Variants in ALDH3A2 observed in about 807,000 individuals in gnomAD.
ALDH3A2 encodes the protein aldehyde dehydrogenase 3 family member A2, also known as aldehyde dehydrogenase family 3 member A2.
In ALDH3A2, 36 loss-of-function variants were observed where a neutral mutation model predicts 51.3. That is an observed-to-expected ratio of 0.70 (90% CI 0.54 to 0.93). The LOEUF is 0.93. Among genes scored for constraint, ALDH3A2 ranks in the 40% least tolerant of loss-of-function variants. ALDH3A2 has a pLI of 0.00. For missense variants in ALDH3A2, 552 were observed against 603.1 expected (o/e 0.92, Z 0.89); for synonymous variants, 199 against 219.8 (o/e 0.91, Z 0.84).
chr17:19,649,330 C>A (rs1284400910), intron 1 of ALDH3A2: 8 of 621,664 alleles, frequency 1.3e-5, no homozygotes, highest in Non-Finnish European at 1.9e-5. Context: ...TACCTAGCTT[C>A]TGTGGTTCCT....
chr17:19,675,374 C>T lies in ALDH3A2; in HGVS notation c.1444-184C>T, dbSNP rs2085173600. Reference sequence around the variant, plus strand: ...GTTGTTTTTTGAGGAAGGGCATAATCCTTTGGCCTAAACCGTGCTTCCTAG... The same window carrying T: ...GTTGTTTTTTGAGGAAGGGCATAATTCTTTGGCCTAAACCGTGCTTCCTAG... On this transcript the variant is annotated intron_variant, in intron 9 of 9. Coordinates refer to ENST00000176643, the MANE Select transcript of ALDH3A2 (RefSeq NM_000382.3). 1.4e-5 allele frequency: 9 copies of T among 662,160 alleles called. No individual in the cohort carries two copies. In the South Asian group the frequency reaches 1.7e-4, roughly 12 times the overall value. The allele number at this position is 662,160 out of a possible 1,614,324, so 41.0% of individuals were successfully genotyped here. A position where few individuals can be genotyped will look rare whatever the true frequency, so the allele number is the denominator to read the frequency against.
rs760752013 is a variant in ALDH3A2 at position 19,651,595 on chromosome 17, A to G, written c.202A>G (p.Ile68Val). The change falls in exon 2 of 10, where the codon ATT (isoleucine) becomes GTT (valine). Residue 68 changes from isoleucine (I) to valine (V), a missense_variant. Physicochemically the swap from Ile to Val is conservative, Grantham distance 29. Coordinates refer to ENST00000176643, the MANE Select transcript of ALDH3A2 (RefSeq NM_000382.3). ...SQEVITVLGE[I>V]DFMLENLPEW... ...GGAAGTCATTACTGTCCTTGGGGAA[A>G]TTGATTTTATGCTTGAGAATCTTCC... 4.3e-6 allele frequency: 7 copies of G among 1,614,226 alleles called. No homozygotes were observed. The South Asian group carries it at 5.5e-5, about 13-fold the overall frequency.
intron 8 of ALDH3A2, among the ~76,000 whole-genome samples, chr17:19,666,113 T>A (rs1397664877): frequency 2.0e-5 from 3 of 151,726 alleles, no homozygotes; most frequent in Non-Finnish European, 4.4e-5. Flanking sequence ...TGGTGGTGGC[T>A]TGTAGAGGGT....
At chr17:19,670,219 A>G (rs1395043744) in intron 8 of ALDH3A2, among the ~76,000 whole-genome samples, 1 of 152,198 alleles carries the variant, frequency 6.6e-6, no homozygotes, top group Non-Finnish European at 1.5e-5. Context: ...ATCCCCTAGG[A>G]TTTTTATTAA....
intron 8 of ALDH3A2, among the ~76,000 whole-genome samples, chr17:19,666,153 G>T (rs140336089): frequency 6.6e-6 from 1 of 152,060 alleles, no homozygotes; most frequent in African/African-American, 2.4e-5. Flanking sequence ...GAAAGGGAAG[G>T]GGGTATTTTT....
chr17:19,654,840 A>G lies in ALDH3A2; in HGVS notation c.472-1526A>G, dbSNP rs1470043247. ...CAAGGCCAAGGAGGTGCTGAGAGCG[A>G]GCAAGGGTTGCCCGCACGCTCTCAC... On this transcript the variant is annotated intron_variant, in intron 3 of 9. Transcript: ENST00000176643. The surrounding 1 kb of genome is among the most constrained non-coding windows in gnomAD (Gnocchi z 4.5). Among the ~76,000 whole-genome samples the G allele has an allele frequency of 6.6e-6, 1 of 152,156 alleles. No homozygotes were observed. Among genetic ancestry groups the G allele is most frequent in the Non-Finnish European group, 1.5e-5 (1 of 68,014 alleles).
At position 19,668,833 on chromosome 17, in the gene ALDH3A2, G is replaced by A. The variant is rs139514139; in HGVS notation, c.1208-2888G>A. Among the ~76,000 whole-genome samples, 386 of 132,844 alleles carry A rather than the reference G, an allele frequency of 2.9e-3. 117 individuals are homozygous for A. In the East Asian group the frequency reaches 0.091, roughly 31 times the overall value. The allele number at this position is 132,844 out of a possible 152,430, so 87.2% of individuals were successfully genotyped here. A position where few individuals can be genotyped will look rare whatever the true frequency, so the allele number is the denominator to read the frequency against. On this transcript the variant is annotated intron_variant, in intron 8 of 9. Transcript: ENST00000176643. ...TTGAACCCTGGAGGCGGAGGTTGCA[G>A]TGAGCAGAGAGTGCACCACTGTACC...
At chr17:19,652,462 A>T (rs1276057824) in intron 2 of ALDH3A2, 85 bp from the exon 3 acceptor site, 3 of 979,164 alleles carry the variant, frequency 3.1e-6, no homozygotes, top group Admixed American at 1.7e-5. Context: ...GGGAGTACCT[A>T]GCCTGTTCTT....
chr17:19,675,939 C>A lies in ALDH3A2; in HGVS notation c.*367C>A. On this transcript the variant is annotated 3_prime_UTR_variant, in exon 10 of 10. Transcript: ENST00000176643. ...CACTGCTCACTTCCTGCCTCTGCTGCCACCATCACTGTGTGAAGCTTTCAA... is the reference window on the plus strand; with the variant it reads ...CACTGCTCACTTCCTGCCTCTGCTGACACCATCACTGTGTGAAGCTTTCAA... 6.1e-6 allele frequency: 2 copies of A among 326,480 alleles called. No individual in the cohort carries two copies. The highest frequency in any genetic ancestry group is 2.9e-5 in the South Asian group (1 of 34,076). The allele number at this position is 326,480 out of a possible 1,614,324, so 20.2% of individuals were successfully genotyped here. A position where few individuals can be genotyped will look rare whatever the true frequency, so the allele number is the denominator to read the frequency against.
intron 6 of ALDH3A2, 65 bp from the exon 7 acceptor site, chr17:19,663,268 A>C: frequency 2.6e-6 from 4 of 1,559,596 alleles, no homozygotes; most frequent in Non-Finnish European, 3.5e-6. Context: ...AATGAAAGAG[A>C]TGTAATATGA....
At chr17:19,674,342 TC>T (rs1208202684) in intron 9 of ALDH3A2, 48 of 152,312 alleles carry the variant, frequency 3.2e-4, no homozygotes, top group Admixed American at 8.5e-4. Context: ...GTCTGCATTC[TC>T]CAATCTTACC....
intron 9 of ALDH3A2, chr17:19,673,348 T>A: frequency 7.3e-7 from 1 of 1,361,208 alleles, no homozygotes; most frequent in Non-Finnish European, 9.7e-7. Flanking sequence ...GTTTTTTGGT[T>A]TGTTTTTGTT....
At chr17:19,652,656 C>A (rs1323745853) in intron 3 of ALDH3A2, 24 bp downstream of exon 3, 1 of 1,542,078 alleles carries the variant, frequency 6.5e-7, no homozygotes, top group South Asian at 1.1e-5. Context: ...GACTCATCTC[C>A]AACATATGTG....
chr17:19,661,604 T>A (rs905782427), intron 6 of ALDH3A2, among the ~76,000 whole-genome samples: 1 of 152,220 alleles, frequency 6.6e-6, no homozygotes, highest in Non-Finnish European at 1.5e-5. Flanking sequence ...GGAAATAGCT[T>A]GGCCACTATT....
rs1171947633 is a variant in ALDH3A2 at position 19,656,522 on chromosome 17, G to C, written c.628G>C (p.Gly210Arg). The stretch of plus-strand genomic sequence containing the variant: ...GACCCCTGTGACTCTTGAACTGGGA[G>C]GGAAAAGTCCATGTTATATTGATAA... ...HLTPVTLELG[G>R]KSPCYIDKDC... The change falls in exon 4 of 10, where the codon GGG (glycine) becomes CGG (arginine). Residue 210 changes from glycine to arginine, a missense_variant. By Grantham distance (125) the Gly-to-Arg change is moderately radical. Transcript: ENST00000176643. The C allele has an allele frequency of 6.2e-7, 1 of 1,614,098 alleles. No individual in the cohort carries two copies. Among genetic ancestry groups the C allele is most frequent in the South Asian group, 1.1e-5 (1 of 91,060 alleles).
chr17:19,655,441 G>C (rs578057954), intron 3 of ALDH3A2: 1 of 152,340 alleles, frequency 6.6e-6, no homozygotes, highest in East Asian at 1.9e-4. Context: ...ACTCTGTCCG[G>C]ATAAGGAGGA....
intron 9 of ALDH3A2, among the ~76,000 whole-genome samples, chr17:19,672,899 G>A (rs1224446142): frequency 1.3e-5 from 2 of 152,080 alleles, no homozygotes; most frequent in African/African-American, 4.8e-5. Context: ...AAATTAGCCA[G>A]GCATGGTGGC....
At chr17:19,667,841 G>C (rs2085060020) in intron 8 of ALDH3A2, among the ~76,000 whole-genome samples, 1 of 152,168 alleles carries the variant, frequency 6.6e-6, no homozygotes, top group African/African-American at 2.4e-5. Flanking sequence ...TTACAGGTGT[G>C]AGCCATCGCA....
At chr17:19,675,337 C>G (rs1458509338) in intron 9 of ALDH3A2, 2 of 596,888 alleles carry the variant, frequency 3.4e-6, no homozygotes, top group East Asian at 5.6e-5. Context: ...TTGTCTTACT[C>G]TTATTGTTAT....
Sources: allele counts gnomAD v4.1 joint callset (sites outside exome capture counted in the v4.1 genomes callset), GRCh38; gene constraint gnomAD v4.1.1; non-coding constraint Gnocchi (gnomAD v3.1); transcripts MANE v1.5; gene names NCBI Gene and HGNC (gene_info 2026-07-23, HGNC 2026-07-21).